RGS12: variants seen among roughly 807,000 people sequenced by gnomAD.
RGS12 encodes regulator of G-protein signaling 12.
RGS12 carries 66 observed loss-of-function variants against 120.1 expected under a neutral mutation model. The ratio of observed to expected loss-of-function variants is 0.55; its 90% CI spans 0.45 to 0.67. RGS12 has a LOEUF of 0.67. Ranked by LOEUF, RGS12 falls within the 30% of genes least tolerant of loss-of-function variation. The pLI, the probability that RGS12 is intolerant of heterozygous loss-of-function variation, is 0.00. For synonymous variants in RGS12, 827 were observed against 804.7 expected (o/e 1.03, Z -0.47); for missense variants, 1,859 against 1,957.7 (o/e 0.95, Z 0.95).
chr4:3,289,595 A>G (rs1345774072), upstream of RGS12, among the ~76,000 whole-genome samples: 1 of 152,176 alleles, frequency 6.6e-6, no homozygotes, highest in Non-Finnish European at 1.5e-5. Context: ...GTACAATCTG[A>G]TGCTTTGATA....
At chr4:3,301,228 G>A (rs992743148) in intron 1 of RGS12, among the ~76,000 whole-genome samples, 3 of 152,196 alleles carry the variant, frequency 2.0e-5, no homozygotes, top group African/African-American at 7.2e-5. Context: ...GGTCTGTCCC[G>A]GCTGCCCTGT....
chr4:3,439,639 G>A lies in RGS12; in HGVS notation c.4299G>A (p.Glu1433=). The A allele has an allele frequency of 6.3e-7, 1 of 1,586,002 alleles. No homozygotes were observed. The highest frequency in any genetic ancestry group is 8.6e-7 in the Non-Finnish European group (1 of 1,166,342). Residue 1433 remains glutamate (E), a synonymous_variant, in exon 18 of 18, where the codon GAG becomes GAA. Coordinates refer to ENST00000336727, the MANE Select transcript of RGS12 (RefSeq NM_001394154.1). ...DLPGLGPVPG[E]PAKPKTSAHH... The stretch of plus-strand genomic sequence containing the variant: ...CTGGCTTGGGCCCCGTCCCGGGTGA[G>A]CCTGCTAAGCCCAAGACCAGCGCTC...
At chr4:3,318,604 T>A (rs1335866699) in intron 2 of RGS12, among the ~76,000 whole-genome samples, 2 of 152,204 alleles carry the variant, frequency 1.3e-5, no homozygotes, top group Non-Finnish European at 2.9e-5. Flanking sequence ...CACTGAGGGG[T>A]ACCTCAAGGT....
intron 3 of RGS12, among the ~76,000 whole-genome samples, chr4:3,355,055 C>T (rs937254942): frequency 2.0e-5 from 3 of 152,094 alleles, no homozygotes; most frequent in African/African-American, 7.2e-5. Flanking sequence ...GAATCCTAAA[C>T]AAAACATTAG....
chr4:3,414,929 GTGTGAGGGGCA>G (rs1230662135), intron 6 of RGS12, 85 bp downstream of exon 6: 9 of 957,762 alleles, frequency 9.4e-6, no homozygotes, highest in Non-Finnish European at 1.5e-5. Flanking sequence ...AGGGCCACGT[GTGTGAGGGGCA>G]TGTGAGGGGT....
intron 1 of RGS12, among the ~76,000 whole-genome samples, chr4:3,308,745 G>GC (rs1329972403): frequency 6.6e-6 from 1 of 152,244 alleles, no homozygotes; most frequent in Non-Finnish European, 1.5e-5. Context: ...TGGGCCCTTT[G>GC]CATTCGAAGA....
chr4:3,298,809 T>G (rs1723520500), intron 1 of RGS12, among the ~76,000 whole-genome samples: 1 of 152,250 alleles, frequency 6.6e-6, no homozygotes. Flanking sequence ...CAGTAGTTTT[T>G]ATTTCTAGAA....
intron 4 of RGS12, among the ~76,000 whole-genome samples, chr4:3,399,124 A>G (rs1720337249): frequency 6.6e-6 from 1 of 152,226 alleles, no homozygotes; most frequent in Non-Finnish European, 1.5e-5. Context: ...TCACCAGTAG[A>G]ATATAATCAA....
chr4:3,369,622 A>G (rs1716759148), intron 3 of RGS12, among the ~76,000 whole-genome samples: 1 of 152,230 alleles, frequency 6.6e-6, no homozygotes, highest in Non-Finnish European at 1.5e-5. Context: ...CTTTGGGATG[A>G]GCAGTTTACC....
At chr4:3,421,118 A>C (rs901280094) in intron 10 of RGS12, among the ~76,000 whole-genome samples, 1 of 152,086 alleles carries the variant, frequency 6.6e-6, no homozygotes, top group Non-Finnish European at 1.5e-5. Flanking sequence ...CCACTCCCAC[A>C]CTGCAGGATT....
At chr4:3,352,967 C>T (rs1251980065) in intron 3 of RGS12, among the ~76,000 whole-genome samples, 1 of 152,212 alleles carries the variant, frequency 6.6e-6, no homozygotes, top group Admixed American at 6.5e-5. Flanking sequence ...TTGTCCCTTT[C>T]TTTGGAAGGG....
intron 1 of RGS12, among the ~76,000 whole-genome samples, chr4:3,306,839 C>T (rs1723994569): frequency 6.6e-6 from 1 of 152,046 alleles, no homozygotes; most frequent in African/African-American, 2.4e-5. Context: ...TAGCAACAGC[C>T]CTCACTGGAG....
chr4:3,430,140 T>C (rs1178568233), intron 16 of RGS12, among the ~76,000 whole-genome samples: 1 of 152,202 alleles, frequency 6.6e-6, no homozygotes, highest in East Asian at 1.9e-4. Flanking sequence ...AGCGTCTCGT[T>C]TGTTCAAGTC....
chr4:3,429,471 G>A (rs770744673), intron 16 of RGS12, among the ~76,000 whole-genome samples: 2 of 152,174 alleles, frequency 1.3e-5, no homozygotes, highest in African/African-American at 2.4e-5. Flanking sequence ...GTTGGCCACC[G>A]AGCACAAGTA....
chr4:3,413,131 G>A (rs1457171476), intron 4 of RGS12: 2 of 56,400 alleles, frequency 3.5e-5, no homozygotes, highest in East Asian at 3.9e-4. Context: ...GGACGGGGGC[G>A]CCCCCACACT....
Position 3,420,476 on chromosome 4 carries a change from T to C in RGS12, c.2762-166T>C, listed in dbSNP as rs908921665. On this transcript the variant is annotated intron_variant, in intron 9 of 17. Coordinates refer to ENST00000336727, the MANE Select transcript of RGS12 (RefSeq NM_001394154.1). ...TGGCTTCCAGGGTTAGGAAGACACA[T>C]GTGACTCGTCTCCACCAGAGACGGC... The C allele has an allele frequency of 7.4e-6, 5 of 677,356 alleles. No homozygotes were observed. In the African/African-American group the frequency reaches 8.0e-5, roughly 11 times the overall value. The allele number at this position is 677,356 out of a possible 1,614,324, so 42.0% of individuals were successfully genotyped here. A position where few individuals can be genotyped will look rare whatever the true frequency, so the allele number is the denominator to read the frequency against.
At chr4:3,409,927 C>G (rs1721554636) in intron 4 of RGS12, among the ~76,000 whole-genome samples, 1 of 152,228 alleles carries the variant, frequency 6.6e-6, no homozygotes, top group Non-Finnish European at 1.5e-5. Context: ...GTCTCTTGCT[C>G]ATCACTGTCC....
At chr4:3,357,575 T>G (rs1023957577) in intron 3 of RGS12, among the ~76,000 whole-genome samples, 1 of 151,614 alleles carries the variant, frequency 6.6e-6, no homozygotes. Flanking sequence ...TTTTTATTCT[T>G]TTGCATGTGG....
chr4:3,287,660 C>T, the RGS12 span, among the ~76,000 whole-genome samples: 61 of 152,390 alleles, frequency 4.0e-4, no homozygotes, highest in African/African-American at 1.2e-3. Context: ...TTGCCATGAG[C>T]TCTACTTAGT....
Sources: gnomAD v4.1 joint callset for allele counts (sites outside exome capture counted in the v4.1 genomes callset) on GRCh38, gnomAD v4.1.1 for gene constraint, MANE v1.5 for transcripts, NCBI Gene and HGNC (gene_info 2026-07-23, HGNC 2026-07-21) for gene names.